SCN11A: variants seen among roughly 807,000 people sequenced by gnomAD.
SCN11A encodes sodium channel protein type 11 subunit alpha.
SCN11A carries 122 observed loss-of-function variants against 162.2 expected under a neutral mutation model. The observed-to-expected ratio is 0.75, with a 90% CI of 0.65 to 0.87. The LOEUF (loss-of-function observed/expected upper bound fraction) is 0.87, where lower values mean the gene tolerates loss of function less well. Ranked by LOEUF, SCN11A falls within the 40% of genes least tolerant of loss-of-function variation. The pLI is 0.00. For missense variants in SCN11A, 2,015 were observed against 2,181.6 expected, an observed-to-expected ratio of 0.92 and a Z score of 1.52; for synonymous variants, 758 against 751.5, an observed-to-expected ratio of 1.01 and a Z score of -0.14.
intron 20 of SCN11A, 122 bp from the exon 21 acceptor site, chr3:38,885,524 G>A: frequency 1.6e-6 from 1 of 624,320 alleles, no homozygotes; most frequent in South Asian, 2.1e-5. Context: ...AGGTTTCTAG[G>A]ATGAGAGGTG....
In SCN11A at chr3:38,946,923, AAC is replaced by A; in HGVS notation, c.268-18_268-17del. ...CCATAAATGTCTGCAAAACAAAAAA[AAC>A]AATACAAGAAAACACACACATACAC... is the stretch of plus-strand genomic sequence containing the variant. On this transcript the variant is annotated splice_polypyrimidine_tract_variant and intron_variant, in intron 5 of 29. Transcript: ENST00000302328. 6.8e-7 allele frequency: 1 copy of A among 1,478,634 alleles called. No individual in the cohort carries two copies. Among genetic ancestry groups the A allele is most frequent in the Non-Finnish European group, 9.3e-7 (1 of 1,069,560 alleles). 91.6% of individuals were successfully genotyped at this position (1,478,634 alleles called of 1,614,324 possible). A position where few individuals can be genotyped will look rare whatever the true frequency, so the allele number is the denominator to read the frequency against.
At chr3:38,977,826 A>G (rs1228317877) in intron 2 of SCN11A, among the ~76,000 whole-genome samples, 1 of 152,196 alleles carries the variant, frequency 6.6e-6, no homozygotes, top group Admixed American at 6.5e-5. Flanking sequence ...TTTCAAAGGC[A>G]TAGCTCAAGT....
chr3:38,848,087 T>G (rs1242106840), intron 29 of SCN11A, among the ~76,000 whole-genome samples: 2 of 152,200 alleles, frequency 1.3e-5, no homozygotes, highest in Non-Finnish European at 2.9e-5. Context: ...AGGCTGAAGC[T>G]GCCCATGGAT....
chr3:38,883,862 A>T (rs1379411497), intron 21 of SCN11A, among the ~76,000 whole-genome samples: 1 of 152,146 alleles, frequency 6.6e-6, no homozygotes, highest in Non-Finnish European at 1.5e-5. Context: ...GTTATGCAGC[A>T]ATTTTTTTGG....
Position 38,983,546 on chromosome 3 carries a change from C to T in SCN11A, c.-279-23123G>A, listed in dbSNP as rs75460678. 5.0e-3 allele frequency among the ~76,000 whole-genome samples: 763 copies of T among 152,312 alleles called. 4 individuals are homozygous for T. Among genetic ancestry groups the T allele is most frequent in the Middle Eastern group, 0.014 (4 of 294 alleles). On this transcript the variant is annotated intron_variant, in intron 2 of 29. Transcript: ENST00000302328. ...AACCCTCAAGACAAACAAGGACCCTCCTATCATTAAGGTAAAGCCAAGTGT... is the reference window on the plus strand; with the variant it reads ...AACCCTCAAGACAAACAAGGACCCTTCTATCATTAAGGTAAAGCCAAGTGT...
intron 29 of SCN11A, among the ~76,000 whole-genome samples, chr3:38,848,048 G>C (rs1331879216): frequency 6.6e-6 from 1 of 152,196 alleles, no homozygotes; most frequent in Non-Finnish European, 1.5e-5. Context: ...GGGCTAGAGG[G>C]AAATGGTAGC....
intron 4 of SCN11A, among the ~76,000 whole-genome samples, chr3:38,953,408 A>C (rs973401352): frequency 2.0e-5 from 3 of 152,258 alleles, no homozygotes; most frequent in Admixed American, 6.5e-5. Flanking sequence ...CTGAACTTAA[A>C]ATACAAGTTA....
intron 15 of SCN11A, among the ~76,000 whole-genome samples, chr3:38,904,877 G>A (rs1217824058): frequency 6.6e-6 from 1 of 152,120 alleles, no homozygotes; most frequent in Non-Finnish European, 1.5e-5. Flanking sequence ...TTGTCACTTG[G>A]ATCTCTTGTG....
At chr3:38,994,177 A>ACTAAC (rs1451469661) in intron 2 of SCN11A, among the ~76,000 whole-genome samples, 1 of 152,206 alleles carries the variant, frequency 6.6e-6, no homozygotes, top group Non-Finnish European at 1.5e-5. Flanking sequence ...AAGACTAAAA[A>ACTAAC]CTAACTCAGT....
chr3:38,963,061 G>A (rs866620473), intron 2 of SCN11A, among the ~76,000 whole-genome samples: 47 of 151,430 alleles, frequency 3.1e-4, no homozygotes, highest in Middle Eastern at 3.4e-3. Context: ...AGATGTTGGC[G>A]TGGATGCAGT....
At position 38,883,297 on chromosome 3, in the gene SCN11A, A is replaced by G. The variant is rs1445278044; in HGVS notation, c.3155T>C (p.Ile1052Thr). The G allele has an allele frequency of 6.2e-7, 1 of 1,613,946 alleles. No individual in the cohort carries two copies. Among genetic ancestry groups the G allele is most frequent in the Non-Finnish European group, 8.5e-7 (1 of 1,179,856 alleles). ...WWNLRKTCYQ[I>T]VKHSWFESFI... The stretch of plus-strand genomic sequence containing the variant: ...GCTCTCAAACCAGCTGTGTTTCACT[A>G]TTTGGTAGCAGGTTTTCCGCAGGTT... Residue 1052 changes from isoleucine to threonine, a missense_variant, in exon 22 of 30, where the codon ATA (isoleucine) becomes ACA (threonine). By Grantham distance (89) the Ile-to-Thr change is moderately conservative (BLOSUM62 -1). Transcript: ENST00000302328.
chr3:38,996,654 A>G (rs1197745699), intron 2 of SCN11A, among the ~76,000 whole-genome samples: 1 of 152,190 alleles, frequency 6.6e-6, no homozygotes, highest in Non-Finnish European at 1.5e-5. Context: ...TAATACTACA[A>G]CTGCATTGAC....
chr3:38,953,205 G>A (rs755153815), intron 4 of SCN11A, among the ~76,000 whole-genome samples: 3 of 152,078 alleles, frequency 2.0e-5, no homozygotes, highest in Non-Finnish European at 2.9e-5. Flanking sequence ...GGAGCTAAAT[G>A]ATAGAAACTC....
chr3:38,971,416 A>C (rs534107046), intron 2 of SCN11A, among the ~76,000 whole-genome samples: 2 of 152,258 alleles, frequency 1.3e-5, no homozygotes, highest in East Asian at 3.9e-4. Flanking sequence ...GTGGAGACAA[A>C]AGAGCAAGCA....
At chr3:38,929,133 A>AGCG (rs1559538603) in intron 7 of SCN11A, among the ~76,000 whole-genome samples, 1 of 147,588 alleles carries the variant, frequency 6.8e-6, no homozygotes, top group Non-Finnish European at 1.5e-5. Flanking sequence ...GGGTCTGTGC[A>AGCG]CGCACACACA....
chr3:38,970,731 C>A (rs938400604), intron 2 of SCN11A, among the ~76,000 whole-genome samples: 1 of 152,186 alleles, frequency 6.6e-6, no homozygotes, highest in Non-Finnish European at 1.5e-5. Context: ...ACCAGCAAGA[C>A]CCCTTCCCTA....
intron 2 of SCN11A, among the ~76,000 whole-genome samples, chr3:38,996,161 T>A (rs12631937): frequency 0.44 from 67,212 of 151,484 alleles, 18,048 homozygotes; most frequent in African/African-American, 0.77. Context: ...AAGAAATAAA[T>A]TTTTTTTTCA....
intron 25 of SCN11A, 27 bp from the exon 26 acceptor site, chr3:38,870,771 T>A: frequency 6.2e-7 from 1 of 1,603,240 alleles, no homozygotes; most frequent in African/African-American, 1.3e-5. Context: ...AAAACATGAA[T>A]AATACAAATG....
intron 2 of SCN11A, among the ~76,000 whole-genome samples, chr3:38,962,676 C>T (rs1043643113): frequency 6.6e-6 from 1 of 151,752 alleles, no homozygotes; most frequent in African/African-American, 2.4e-5. Context: ...GACAAAACCC[C>T]ATCTCTACAA....
Sources: gnomAD v4.1 joint callset for allele counts (sites outside exome capture counted in the v4.1 genomes callset) on GRCh38, gnomAD v4.1.1 for gene constraint, MANE v1.5 for transcripts, NCBI Gene and HGNC (gene_info 2026-07-23, HGNC 2026-07-21) for gene names.